Variants in SRL observed in about 807,000 individuals in gnomAD.
SRL encodes sarcalumenin.
Under a neutral mutation model 39.5 loss-of-function variants are expected in SRL, and 23 were observed. That is an observed-to-expected ratio of 0.58 (90% CI 0.42 to 0.82). SRL has a LOEUF of 0.82. SRL is among the 40% of genes least tolerant of loss of function. The pLI is 0.00. For missense variants in SRL, 592 were observed against 607.8 expected (o/e 0.97, Z 0.27); for synonymous variants, 272 against 237.4 (o/e 1.15, Z -1.34).
chr16:4,202,395 C>T (rs115579638), intron 3 of SRL, among the ~76,000 whole-genome samples: 2,406 of 152,220 alleles, frequency 0.016, 60 homozygotes, highest in African/African-American at 0.055. Flanking sequence ...AGACAGAGAC[C>T]ATCCTGGCTA....
chr16:4,209,599 A>C (rs939347127), intron 1 of SRL, among the ~76,000 whole-genome samples: 53 of 152,312 alleles, frequency 3.5e-4, no homozygotes, highest in African/African-American at 1.2e-3. Context: ...CTTGTTCCCC[A>C]AAAGCTGGGT....
chr16:4,205,045 G>A (rs6500588), intron 1 of SRL, among the ~76,000 whole-genome samples: 2,288 of 151,960 alleles, frequency 0.015, 66 homozygotes, highest in African/African-American at 0.052. Flanking sequence ...CGCTAGGGCC[G>A]AGTGCAGTGG....
chr16:4,222,288 T>C (rs1283059027), intron 1 of SRL, among the ~76,000 whole-genome samples: 1 of 152,210 alleles, frequency 6.6e-6, no homozygotes, highest in East Asian at 1.9e-4. Flanking sequence ...GACGGCTTTT[T>C]TTAAAAACAG....
At position 4,192,094 on chromosome 16, in the gene SRL, C is replaced by G. The variant is rs2052072844; in HGVS notation, c.*59G>C. The stretch of plus-strand genomic sequence containing the variant: ...TCAAAGGGTTAATAAACCAGGACCT[C>G]TCAGACAGTTAGGACACAAGCTGAT... On this transcript the variant is annotated 3_prime_UTR_variant, in exon 6 of 6. Coordinates refer to ENST00000399609, the MANE Select transcript of SRL (RefSeq NM_001098814.2). The surrounding 1 kb of genome is among the most constrained non-coding windows in gnomAD (Gnocchi z 4.0). 1 of 1,498,782 alleles carries G rather than the reference C, an allele frequency of 6.7e-7. No homozygotes were observed. The highest frequency in any genetic ancestry group is 8.9e-7 in the Non-Finnish European group (1 of 1,117,526). The allele number at this position is 1,498,782 out of a possible 1,614,324, so 92.8% of individuals were successfully genotyped here.
chr16:4,213,135 G>A (rs761134078), intron 1 of SRL, among the ~76,000 whole-genome samples: 4 of 152,096 alleles, frequency 2.6e-5, no homozygotes, highest in Non-Finnish European at 5.9e-5. Flanking sequence ...GTCCCATGAA[G>A]TGCTAGGGTT....
At chr16:4,196,632 C>G (rs144395027) in intron 4 of SRL, among the ~76,000 whole-genome samples, 1 of 152,106 alleles carries the variant, frequency 6.6e-6, no homozygotes, top group Non-Finnish European at 1.5e-5. Flanking sequence ...AGGTGCCCAG[C>G]ACCATGCCCA....
At chr16:4,220,310 A>ACACACACACAC (rs1567185112) in intron 1 of SRL, among the ~76,000 whole-genome samples, 8 of 49,188 alleles carry the variant, frequency 1.6e-4, no homozygotes, top group African/African-American at 5.6e-4. Flanking sequence ...CACACACACA[A>ACACACACACAC]ATAACCGGGT....
chr16:4,196,125 T>TA (rs2052138210), intron 4 of SRL, among the ~76,000 whole-genome samples: 4 of 151,974 alleles, frequency 2.6e-5, no homozygotes, highest in Non-Finnish European at 5.9e-5. Flanking sequence ...CATGCCTGGC[T>TA]AATTTTTGTA....
chr16:4,236,554 C>T (rs573312343), intron 1 of SRL, among the ~76,000 whole-genome samples: 5 of 152,278 alleles, frequency 3.3e-5, no homozygotes, highest in Non-Finnish European at 7.4e-5. Context: ...AATGCCCTGA[C>T]CTGACTTCCC....
intron 4 of SRL, 76 bp downstream of exon 4, chr16:4,197,723 G>T: frequency 9.1e-7 from 1 of 1,093,404 alleles, no homozygotes; most frequent in Non-Finnish European, 1.4e-6. Context: ...ATAATGTCCG[G>T]CCAGTGATTT....
intron 1 of SRL, among the ~76,000 whole-genome samples, chr16:4,236,636 T>A (rs1027843018): frequency 1.3e-5 from 2 of 151,942 alleles, no homozygotes; most frequent in African/African-American, 4.8e-5. Context: ...ATCTTCATAA[T>A]GACCCAAACT....
Position 4,207,532 on chromosome 16 carries a change from G to A in SRL, c.62-2898C>T, listed in dbSNP as rs193075868. The A allele has an allele frequency of 2.2e-5, 10 of 456,412 alleles. 1 individual carries two copies. The East Asian group carries it at 3.5e-4, about 16-fold the overall frequency. 28.3% of individuals were successfully genotyped at this position (456,412 alleles called of 1,614,324 possible). On this transcript the variant is annotated intron_variant, in intron 1 of 5. Coordinates refer to ENST00000399609, the MANE Select transcript of SRL (RefSeq NM_001098814.2). ...CCGACCCCATCACCCTCTGAGTGAG[G>A]AGAGGCCCCCTCTGCCTTTGGCTCT...
chr16:4,209,763 G>A (rs1276192487), intron 1 of SRL, among the ~76,000 whole-genome samples: 2 of 152,194 alleles, frequency 1.3e-5, no homozygotes, highest in Non-Finnish European at 2.9e-5. Flanking sequence ...ACTTTCATAT[G>A]CATGGCCATT....
intron 2 of SRL, 118 bp from the exon 3 acceptor site, chr16:4,203,379 T>C: frequency 1.3e-6 from 1 of 766,954 alleles, no homozygotes; most frequent in Admixed American, 2.1e-5. Flanking sequence ...GGGCAGCAAG[T>C]GCTGTTTGCA....
chr16:4,204,432 C>T (rs1366183427), intron 2 of SRL, 101 bp downstream of exon 2: 4 of 1,088,150 alleles, frequency 3.7e-6, no homozygotes, highest in Non-Finnish European at 5.6e-6. Flanking sequence ...CTCCAAGATA[C>T]AGCCCCGGCA....
At chr16:4,219,490 A>T (rs1205768949) in intron 1 of SRL, among the ~76,000 whole-genome samples, 1 of 152,010 alleles carries the variant, frequency 6.6e-6, no homozygotes, top group African/African-American at 2.4e-5. Flanking sequence ...GTCTCGCTCT[A>T]TCACCCAGGC....
At chr16:4,232,937 C>T (rs907729165) in intron 1 of SRL, among the ~76,000 whole-genome samples, 45 of 152,264 alleles carry the variant, frequency 3.0e-4, no homozygotes, top group Admixed American at 2.8e-3. Context: ...GGCTCCCAAA[C>T]CCCGGGACTC....
At chr16:4,200,474 C>G (rs2052213484) in intron 3 of SRL, among the ~76,000 whole-genome samples, 1 of 152,160 alleles carries the variant, frequency 6.6e-6, no homozygotes, top group Non-Finnish European at 1.5e-5. Flanking sequence ...AGGAAGCTGG[C>G]CAGAGACTAG....
chr16:4,200,317 C>A (rs1351629832), intron 3 of SRL, among the ~76,000 whole-genome samples: 5 of 152,202 alleles, frequency 3.3e-5, no homozygotes, highest in African/African-American at 1.2e-4. Flanking sequence ...CCGGCCCAGG[C>A]GACACCAAGG....
Sources: gnomAD v4.1 joint callset for allele counts (sites outside exome capture counted in the v4.1 genomes callset) on GRCh38, gnomAD v4.1.1 for gene constraint, Gnocchi (gnomAD v3.1) non-coding constraint, MANE v1.5 for transcripts, NCBI Gene and HGNC (gene_info 2026-07-23, HGNC 2026-07-21) for gene names.